Variants in ME3 observed in about 807,000 individuals in gnomAD.
The protein encoded by ME3 is malic enzyme 3.
ME3 carries 48 observed loss-of-function variants against 68.9 expected under a neutral mutation model. That is an observed-to-expected ratio of 0.70 (90% CI 0.55 to 0.89). The LOEUF is 0.89. ME3 is among the 40% of genes least tolerant of loss of function. The probability of loss-of-function intolerance (pLI) is 0.00; values close to 1 mark genes in which losing one functional copy is unlikely to be tolerated. For missense variants in ME3, 675 were observed against 797.4 expected (o/e 0.85, Z 1.85); for synonymous variants, 320 against 318.8 (o/e 1.00, Z -0.04).
At chr11:86,534,946 C>T (rs376086078) in intron 4 of ME3, among the ~76,000 whole-genome samples, 6 of 152,056 alleles carry the variant, frequency 3.9e-5, no homozygotes, top group African/African-American at 1.5e-4. Flanking sequence ...GGGCCCTACT[C>T]CTGACACAGT....
intron 7 of ME3, among the ~76,000 whole-genome samples, chr11:86,465,584 A>G (rs1241580778): frequency 6.6e-6 from 1 of 152,118 alleles, no homozygotes; most frequent in Non-Finnish European, 1.5e-5. Context: ...CTCACTCCAC[A>G]TCCAAGTGCA....
At chr11:86,547,261 GAAAA>G (rs1956418058) in intron 4 of ME3, among the ~76,000 whole-genome samples, 1 of 120,454 alleles carries the variant, frequency 8.3e-6, no homozygotes, top group Admixed American at 8.4e-5. Flanking sequence ...AAAAAAAAAA[GAAAA>G]TGTGGCACAT....
chr11:86,439,438 T>C (rs76048112), downstream of ME3, among the ~76,000 whole-genome samples: 14,328 of 152,318 alleles, frequency 0.094, 1,307 homozygotes, highest in African/African-American at 0.24. Context: ...ATTTCTAATT[T>C]AGTTATTAAT....
chr11:86,487,187 A>G, intron 7 of ME3, 150 bp downstream of exon 7: 2 of 641,396 alleles, frequency 3.1e-6, no homozygotes, highest in South Asian at 3.7e-5. Flanking sequence ...CAGTCTTATC[A>G]CTCCTAGGGG....
the ME3 span, chr11:86,435,967 G>T: frequency 0.11 from 16,286 of 152,182 alleles, 1,412 homozygotes; most frequent in African/African-American, 0.24. Context: ...GATGCAGCTG[G>T]TGGCCCTCAG....
intron 2 of ME3, among the ~76,000 whole-genome samples, chr11:86,663,817 C>T (rs1192958347): frequency 6.6e-6 from 1 of 152,152 alleles, no homozygotes; most frequent in Non-Finnish European, 1.5e-5. Context: ...TAGAGATGAG[C>T]CTGAAAAAGT....
At chr11:86,496,031 A>G (rs1411026404) in intron 6 of ME3, among the ~76,000 whole-genome samples, 1 of 152,188 alleles carries the variant, frequency 6.6e-6, no homozygotes, top group African/African-American at 2.4e-5. Context: ...CCACCGTTCC[A>G]TCATTTGATC....
chr11:86,652,262 C>T (rs577179850), intron 2 of ME3, among the ~76,000 whole-genome samples: 12 of 152,128 alleles, frequency 7.9e-5, no homozygotes, highest in South Asian at 2.1e-4. Context: ...AGATACTCCT[C>T]GAGAAGAGCA....
chr11:86,574,141 T>C (rs1957954040), intron 2 of ME3, among the ~76,000 whole-genome samples: 1 of 152,206 alleles, frequency 6.6e-6, no homozygotes, highest in Non-Finnish European at 1.5e-5. Flanking sequence ...TTCCTTCCTT[T>C]GGGTTAGAAC....
chr11:86,456,815 A>G lies in ME3; in HGVS notation c.920-6417T>C, dbSNP rs535569538. Among the ~76,000 whole-genome samples the G allele has an allele frequency of 2.0e-5, 3 of 152,258 alleles. No homozygotes were observed. The South Asian group carries it at 6.2e-4, about 32-fold the overall frequency. On this transcript the variant is annotated intron_variant, in intron 8 of 14. Transcript: ENST00000543262. ...CAGCTGCCATTTATTGATCACTCTT[A>G]CTGTGGCCTTGGCTCTGTGCTGTGT... is the stretch of plus-strand genomic sequence containing the variant.
intron 2 of ME3, among the ~76,000 whole-genome samples, chr11:86,563,237 C>T (rs1050774146): frequency 7.2e-5 from 11 of 152,122 alleles, no homozygotes; most frequent in Admixed American, 6.6e-4. Flanking sequence ...TTTGAGAACT[C>T]TCTGGGCTGC....
At chr11:86,460,399 A>G (rs570935370) in intron 8 of ME3, among the ~76,000 whole-genome samples, 4 of 152,316 alleles carry the variant, frequency 2.6e-5, no homozygotes, top group South Asian at 4.1e-4. Flanking sequence ...GAGACAGTCA[A>G]ATAATGTGCC....
chr11:86,449,939 C>T, exon 10 of ME3: 2 of 1,614,136 alleles, frequency 1.2e-6, no homozygotes, highest in Non-Finnish European at 1.7e-6. Flanking sequence ...CTTGTGGCCT[C>T]TGCCTTCGGT....
chr11:86,511,055 T>G (rs1428366162), intron 4 of ME3, among the ~76,000 whole-genome samples: 2 of 152,212 alleles, frequency 1.3e-5, no homozygotes, highest in East Asian at 3.9e-4. Context: ...GTTCTTCATT[T>G]GTACTTTCTA....
At chr11:86,574,815 T>G (rs1308702771) in intron 2 of ME3, among the ~76,000 whole-genome samples, 1 of 152,164 alleles carries the variant, frequency 6.6e-6, no homozygotes, top group Non-Finnish European at 1.5e-5. Context: ...GGCGGGAAAG[T>G]TTTTAAAGTC....
At chr11:86,448,378 A>ATATC in intron 10 of ME3, 123 bp from the exon 11 acceptor site, 1 of 696,710 alleles carries the variant, frequency 1.4e-6, no homozygotes, top group Non-Finnish European at 2.5e-6. Flanking sequence ...GAGCTGTCAG[A>ATATC]TGTTTTGGGG....
intron 2 of ME3, among the ~76,000 whole-genome samples, chr11:86,586,085 A>T (rs1428147100): frequency 6.6e-6 from 1 of 152,214 alleles, no homozygotes; most frequent in Non-Finnish European, 1.5e-5. Flanking sequence ...GGAAACAGCA[A>T]ATGCACAAAA....
At chr11:86,653,247 A>T (rs1467717452) in intron 2 of ME3, among the ~76,000 whole-genome samples, 1 of 152,192 alleles carries the variant, frequency 6.6e-6, no homozygotes, top group Non-Finnish European at 1.5e-5. Flanking sequence ...AAGCAGACCT[A>T]ATAGATATCT....
intron 7 of ME3, among the ~76,000 whole-genome samples, chr11:86,475,874 T>TATATAGAGAGAGAGAGAG: frequency 1.0e-3 from 96 of 91,450 alleles, no homozygotes; most frequent in South Asian, 2.1e-3. Flanking sequence ...TATATATATA[T>TATATAGAGAGAGAGAGAG]AGAGAGAGAG....
Sources: gnomAD v4.1 joint callset for allele counts (sites outside exome capture counted in the v4.1 genomes callset) on GRCh38, gnomAD v4.1.1 for gene constraint, MANE v1.5 for transcripts, NCBI Gene and HGNC (gene_info 2026-07-23, HGNC 2026-07-21) for gene names.